DENND1A: variants seen among roughly 807,000 people sequenced by gnomAD.
DENND1A encodes DENN domain-containing protein 1A.
Under a neutral mutation model 113.7 loss-of-function variants are expected in DENND1A, and 51 were observed. That is an observed-to-expected ratio of 0.45 (90% CI 0.36 to 0.57). DENND1A has a LOEUF of 0.57. Among genes scored for constraint, DENND1A ranks in the 20% least tolerant of loss-of-function variants. The pLI, the probability that DENND1A is intolerant of heterozygous loss-of-function variation, is 0.00. For missense variants in DENND1A, 1,258 were observed against 1,395.9 expected (o/e 0.90, Z 1.57); for synonymous variants, 565 against 570.8 (o/e 0.99, Z 0.14).
intron 1 of DENND1A, among the ~76,000 whole-genome samples, chr9:123,898,213 T>C (rs981630597): frequency 1.7e-4 from 26 of 152,202 alleles, no homozygotes; most frequent in Admixed American, 7.2e-4. Context: ...TTTCTTGCAC[T>C]TATTTTCCAT....
rs562004592 is a variant in DENND1A at position 123,625,532 on chromosome 9, T to C, written c.719+4844A>G. On this transcript the variant is annotated intron_variant, in intron 10 of 23. Transcript: ENST00000394215. ...GCTGAGGCAGGTGGATCACCTGAAG[T>C]CAGGAGTTAGAGACCAGCCTGGCCA... is the stretch of plus-strand genomic sequence containing the variant. 1.3e-3 allele frequency among the ~76,000 whole-genome samples: 200 copies of C among 152,286 alleles called. 2 individuals are homozygous for C. Among genetic ancestry groups the C allele is most frequent in the Non-Finnish European group, 3.2e-4 (22 of 68,030 alleles).
chr9:123,883,506 T>C (rs944158418), intron 1 of DENND1A, among the ~76,000 whole-genome samples: 6 of 152,138 alleles, frequency 3.9e-5, no homozygotes, highest in East Asian at 1.9e-4. Context: ...GTGTCTCAGG[T>C]AGGACCCAAG....
At chr9:123,887,283 C>A (rs1027354309) in intron 1 of DENND1A, among the ~76,000 whole-genome samples, 1 of 152,024 alleles carries the variant, frequency 6.6e-6, no homozygotes, top group Non-Finnish European at 1.5e-5. Context: ...GGTGACAGCC[C>A]AGTGTGAGAT....
At chr9:123,457,923 G>T in intron 13 of DENND1A, 26 bp from the exon 14 acceptor site, 1 of 1,570,418 alleles carries the variant, frequency 6.4e-7, no homozygotes, top group Non-Finnish European at 8.7e-7. Flanking sequence ...GGGAGAGGTG[G>T]GTCAGTGGCA....
chr9:123,467,235 T>C (rs2049032919), intron 13 of DENND1A, among the ~76,000 whole-genome samples: 1 of 152,176 alleles, frequency 6.6e-6, no homozygotes, highest in African/African-American at 2.4e-5. Flanking sequence ...ACATCCTGGG[T>C]CCACTGGAAT....
rs563602043 is a variant in DENND1A at position 123,724,382 on chromosome 9, A to G, written c.302+33321T>C. On this transcript the variant is annotated intron_variant, in intron 5 of 23. Transcript: ENST00000394215. ...AACCTTTAGAGGTACTGAAAAATAG[A>G]CACACTGAATTCTCAATGTTGGCTC... Among the ~76,000 whole-genome samples the G allele has an allele frequency of 5.3e-5, 8 of 152,316 alleles. No individual in the cohort carries two copies. The South Asian group carries it at 1.7e-3, about 32-fold the overall frequency.
chr9:123,893,777 C>G (rs1266380432), intron 1 of DENND1A, among the ~76,000 whole-genome samples: 1 of 152,218 alleles, frequency 6.6e-6, no homozygotes, highest in Non-Finnish European at 1.5e-5. Flanking sequence ...AAGCCCAGGT[C>G]TGTTCTTACT....
chr9:123,900,169 C>G (rs1172263159), intron 1 of DENND1A, among the ~76,000 whole-genome samples: 1 of 152,232 alleles, frequency 6.6e-6, no homozygotes, highest in Non-Finnish European at 1.5e-5. Flanking sequence ...TATCAGTTAT[C>G]TGGAACCATC....
chr9:123,417,268 C>T (rs151157023), intron 19 of DENND1A, among the ~76,000 whole-genome samples: 11 of 152,352 alleles, frequency 7.2e-5, no homozygotes, highest in Admixed American at 2.6e-4. Context: ...GTCCTATGGA[C>T]GTGAGGACCC....
At chr9:123,889,645 G>A (rs1307410943) in intron 1 of DENND1A, among the ~76,000 whole-genome samples, 2 of 152,050 alleles carry the variant, frequency 1.3e-5, no homozygotes, top group African/African-American at 4.8e-5. Context: ...CTCCTCTACA[G>A]AGGAAAAAAA....
chr9:123,604,027 G>A (rs554312867), intron 11 of DENND1A, among the ~76,000 whole-genome samples: 1 of 152,156 alleles, frequency 6.6e-6, no homozygotes, highest in Non-Finnish European at 1.5e-5. Flanking sequence ...AGAAGGAGAA[G>A]GCCTGACCAT....
intron 19 of DENND1A, among the ~76,000 whole-genome samples, chr9:123,420,391 C>A (rs2045162729): frequency 6.6e-6 from 1 of 152,224 alleles, no homozygotes; most frequent in Non-Finnish European, 1.5e-5. Context: ...GGGTGCCCCA[C>A]AACTTGCCCT....
intron 13 of DENND1A, among the ~76,000 whole-genome samples, chr9:123,512,926 C>A (rs1455695769): frequency 1.3e-5 from 2 of 152,214 alleles, no homozygotes; most frequent in Admixed American, 1.3e-4. Context: ...TGTCTGAAAG[C>A]GTGTCTGCCT....
chr9:123,513,178 T>C (rs1306782789), intron 13 of DENND1A, among the ~76,000 whole-genome samples: 2 of 152,184 alleles, frequency 1.3e-5, no homozygotes, highest in South Asian at 2.1e-4. Context: ...GGCTCCTCTG[T>C]TGACTGTGAT....
chr9:123,651,871 T>A (rs954871642), intron 9 of DENND1A, 142 bp downstream of exon 9: 2 of 547,070 alleles, frequency 3.7e-6, no homozygotes, highest in African/African-American at 2.0e-5. Flanking sequence ...AAAAAAAAAA[T>A]GAACAATTAA....
At chr9:123,640,848 A>G (rs766829213) in intron 9 of DENND1A, among the ~76,000 whole-genome samples, 15 of 152,252 alleles carry the variant, frequency 9.9e-5, no homozygotes, top group Admixed American at 2.6e-4. Flanking sequence ...AAAGTGGCAC[A>G]TGGTGGATTA....
chr9:123,526,202 C>A (rs1191999063), intron 13 of DENND1A, among the ~76,000 whole-genome samples: 3 of 152,050 alleles, frequency 2.0e-5, no homozygotes, highest in African/African-American at 7.3e-5. Context: ...CGTACACACA[C>A]CCCCATGCCT....
intron 2 of DENND1A, among the ~76,000 whole-genome samples, chr9:123,861,627 A>G (rs1382955702): frequency 1.3e-5 from 2 of 152,206 alleles, no homozygotes; most frequent in Non-Finnish European, 2.9e-5. Context: ...CACCCCAGCC[A>G]TGGAAAGATC....
intron 1 of DENND1A, among the ~76,000 whole-genome samples, chr9:123,889,927 G>C (rs944189151): frequency 1.4e-4 from 21 of 151,876 alleles, no homozygotes; most frequent in Admixed American, 9.2e-4. Flanking sequence ...CAGCCAAGAC[G>C]GCACCATTGC....
Sources: allele counts gnomAD v4.1 joint callset (sites outside exome capture counted in the v4.1 genomes callset), GRCh38; gene constraint gnomAD v4.1.1; transcripts MANE v1.5; gene names NCBI Gene and HGNC (gene_info 2026-07-23, HGNC 2026-07-21).